The following NRXN1 variants were observed in gnomAD, a reference collection of about 807,000 sequenced individuals.
NRXN1 encodes the protein neurexin 1, also known as neurexin-1.
In NRXN1, 39 loss-of-function variants were observed where a neutral mutation model predicts 150.9. The observed-to-expected ratio is 0.26, with a 90% CI of 0.20 to 0.34. The LOEUF (loss-of-function observed/expected upper bound fraction) is 0.34, where lower values mean the gene tolerates loss of function less well. NRXN1 is among the 10% of genes least tolerant of loss of function. NRXN1 has a pLI of 1.00. For synonymous variants in NRXN1, 924 were observed against 757.0 expected (o/e 1.22, Z -3.62); for missense variants, 1,815 against 1,949.9 (o/e 0.93, Z 1.30).
chr2:50,348,837 C>CT (rs200029269), intron 17 of NRXN1, among the ~76,000 whole-genome samples: 22,677 of 145,102 alleles, frequency 0.16, 1,808 homozygotes, highest in African/African-American at 0.18. Flanking sequence ...AGTGGCTGGA[C>CT]TTTTTTTTTT....
chr2:50,895,106 A>G (rs1448897890), intron 5 of NRXN1, among the ~76,000 whole-genome samples: 1 of 152,156 alleles, frequency 6.6e-6, no homozygotes, highest in Non-Finnish European at 1.5e-5. Context: ...ATGACAAATT[A>G]TTCATTTGCT....
intron 21 of NRXN1, among the ~76,000 whole-genome samples, chr2:49,975,644 T>A (rs992056937): frequency 6.6e-6 from 1 of 152,208 alleles, no homozygotes; most frequent in Non-Finnish European, 1.5e-5. Context: ...TTATTCAGAC[T>A]ATTCAATAAT....
intron 12 of NRXN1, among the ~76,000 whole-genome samples, chr2:50,507,628 C>T (rs1287104888): frequency 4.3e-5 from 4 of 92,960 alleles, no homozygotes; most frequent in African/African-American, 8.9e-5. Flanking sequence ...AGACTATATC[C>T]GTCACCTCAA....
intron 18 of NRXN1, among the ~76,000 whole-genome samples, chr2:50,179,493 G>T (rs968179685): frequency 1.3e-5 from 2 of 152,096 alleles, no homozygotes; most frequent in Non-Finnish European, 2.9e-5. Context: ...CTGAACTTGG[G>T]AAACCATTTT....
chr2:50,189,476 G>A (rs2061317347), intron 18 of NRXN1, among the ~76,000 whole-genome samples: 1 of 152,104 alleles, frequency 6.6e-6, no homozygotes, highest in Admixed American at 6.6e-5. Context: ...TAACAAACCT[G>A]CATGTTCTGC....
At chr2:50,500,289 C>G (rs1305036778) in intron 13 of NRXN1, among the ~76,000 whole-genome samples, 1 of 151,606 alleles carries the variant, frequency 6.6e-6, no homozygotes, top group Admixed American at 6.6e-5. Flanking sequence ...GCACACAGAG[C>G]ATAAATAATA....
At chr2:50,713,513 A>T (rs1695468369) in intron 5 of NRXN1, among the ~76,000 whole-genome samples, 1 of 152,080 alleles carries the variant, frequency 6.6e-6, no homozygotes, top group Non-Finnish European at 1.5e-5. Flanking sequence ...AAGAAGCATC[A>T]ATTATGGCTG....
intron 21 of NRXN1, among the ~76,000 whole-genome samples, chr2:50,008,468 A>ATTTTTTT (rs3046626): frequency 7.3e-6 from 1 of 136,388 alleles, no homozygotes; most frequent in African/African-American, 2.7e-5. Context: ...GAAGGATGCC[A>ATTTTTTT]TTTTTTTTTT....
At position 50,170,154 on chromosome 2, in the gene NRXN1, C is replaced by G. The variant is rs2059940081; in HGVS notation, c.3546+66635G>C. On this transcript the variant is annotated intron_variant, in intron 18 of 22. Transcript: ENST00000401669. ...TTATAGATAATATCACACACACACA[C>G]ACACACACACATATGTACACTCAAA... Among the ~76,000 whole-genome samples, 5 of 151,960 alleles carry G rather than the reference C, an allele frequency of 3.3e-5. No individual in the cohort carries two copies. In the South Asian group the frequency reaches 1.0e-3, roughly 32 times the overall value.
chr2:50,403,975 C>T (rs950296437), intron 17 of NRXN1, among the ~76,000 whole-genome samples: 4 of 152,012 alleles, frequency 2.6e-5, no homozygotes, highest in Admixed American at 2.0e-4. Context: ...CTAGCAACAC[C>T]TATGATCACA....
At chr2:50,684,061 G>A (rs1271562473) in intron 5 of NRXN1, among the ~76,000 whole-genome samples, 1 of 151,844 alleles carries the variant, frequency 6.6e-6, no homozygotes, top group East Asian at 1.9e-4. Flanking sequence ...ATAGGTTACC[G>A]ACTACTCCTA....
At chr2:50,048,715 T>C (rs1391865963) in intron 21 of NRXN1, among the ~76,000 whole-genome samples, 1 of 152,176 alleles carries the variant, frequency 6.6e-6, no homozygotes, top group Non-Finnish European at 1.5e-5. Context: ...ATGTCTCATA[T>C]GTGAAATGAA....
rs201734514 is a variant in NRXN1, at chr2:50,922,623, C to G, written c.820+35G>C. On this transcript the variant is annotated intron_variant, in intron 4 of 22. Transcript: ENST00000401669. ...AAAGCAGCTACAGAACAAGAAAACA[C>G]TGAAAGCAGAGTGGAAAAGGAACAG... 1.7e-4 allele frequency: 277 copies of G among 1,606,570 alleles called. 1 individual carries two copies. The highest frequency in any genetic ancestry group is 9.9e-5 in the Non-Finnish European group (116 of 1,175,976).
chr2:50,859,511 C>CA (rs1016873447), intron 5 of NRXN1, among the ~76,000 whole-genome samples: 1 of 147,718 alleles, frequency 6.8e-6, no homozygotes, highest in Non-Finnish European at 1.5e-5. Context: ...AGAAGGGGTG[C>CA]AAAAAAAAGA....
At position 50,483,486 on chromosome 2, in the gene NRXN1, A is replaced by G. The variant is rs572911938; in HGVS notation, c.3071-11015T>C. On this transcript the variant is annotated intron_variant, in intron 15 of 22. Transcript: ENST00000401669. ...CAAGTTCTTTCTTGCACAAGGTTCA[A>G]GAACCCTCTCTTGGGTTCCGGTTCA... Among the ~76,000 whole-genome samples, 7 of 152,304 alleles carry G rather than the reference A, an allele frequency of 4.6e-5. No individual in the cohort carries two copies. The East Asian group carries it at 1.2e-3, about 25-fold the overall frequency.
intron 5 of NRXN1, among the ~76,000 whole-genome samples, chr2:50,731,907 T>G (rs1698153132): frequency 6.6e-6 from 1 of 152,166 alleles, no homozygotes; most frequent in Non-Finnish European, 1.5e-5. Flanking sequence ...CCCAGTTATC[T>G]TATATCTTGT....
At chr2:50,225,743 C>T (rs1198423034) in intron 18 of NRXN1, among the ~76,000 whole-genome samples, 2 of 151,910 alleles carry the variant, frequency 1.3e-5, no homozygotes, top group Non-Finnish European at 2.9e-5. Flanking sequence ...ATTATTGGTA[C>T]ATTTTTTTAA....
chr2:50,784,145 A>T (rs943917624), intron 5 of NRXN1, among the ~76,000 whole-genome samples: 1 of 152,118 alleles, frequency 6.6e-6, no homozygotes, highest in East Asian at 1.9e-4. Flanking sequence ...GACAGATTGG[A>T]AGTTTCTTCA....
intron 15 of NRXN1, among the ~76,000 whole-genome samples, chr2:50,494,359 C>A (rs898779449): frequency 1.3e-5 from 2 of 152,174 alleles, no homozygotes; most frequent in African/African-American, 4.8e-5. Context: ...TCGATCAGCA[C>A]ACTGGATTTT....
Sources: gnomAD v4.1 joint callset for allele counts (sites outside exome capture counted in the v4.1 genomes callset) on GRCh38, gnomAD v4.1.1 for gene constraint, MANE v1.5 for transcripts, NCBI Gene and HGNC (gene_info 2026-07-23, HGNC 2026-07-21) for gene names.